Variants in RBFOX1 observed in about 807,000 individuals in gnomAD.
RBFOX1 encodes the protein RNA binding protein fox-1 homolog 1.
RBFOX1 carries 8 observed loss-of-function variants against 57.7 expected under a neutral mutation model. That is an observed-to-expected ratio of 0.14 (90% CI 0.08 to 0.25). The LOEUF (loss-of-function observed/expected upper bound fraction) is 0.25. Ranked by LOEUF, RBFOX1 falls within the 10% of genes least tolerant of loss-of-function variation. RBFOX1 has a pLI of 1.00. For missense variants in RBFOX1, 611 were observed against 548.5 expected, an observed-to-expected ratio of 1.11 and a Z score of -1.14; for synonymous variants, 326 against 222.4, an observed-to-expected ratio of 1.47 and a Z score of -4.15.
intron 3 of RBFOX1, among the ~76,000 whole-genome samples, chr16:6,785,914 C>G (rs1354381626): frequency 6.6e-6 from 1 of 152,182 alleles, no homozygotes; most frequent in Non-Finnish European, 1.5e-5. Context: ...AAAAATGGCA[C>G]TGTGACTGAG....
Position 7,106,984 on chromosome 16 carries a change from A to AAC in RBFOX1, c.27+54909_27+54910dup, listed in dbSNP as rs61104403. 7.8e-3 allele frequency among the ~76,000 whole-genome samples: 1,157 copies of AAC among 148,630 alleles called. 6 individuals carry two copies. Among genetic ancestry groups the AAC allele is most frequent in the African/African-American group, 0.015 (621 of 40,292 alleles). On this transcript the variant is annotated intron_variant, in intron 4 of 15. Transcript: ENST00000550418. ...ATTCCCATGTAAGCCACACAGTTAAAACACACACACACACACACACACACT... is the reference window on the plus strand; with the variant it reads ...ATTCCCATGTAAGCCACACAGTTAAAACACACACACACACACACACACACACT...
At position 6,796,156 on chromosome 16, in the gene RBFOX1, G is replaced by T. The variant is rs573916478; in HGVS notation, c.-16+141506G>T. 9.9e-5 allele frequency among the ~76,000 whole-genome samples: 15 copies of T among 152,188 alleles called. No homozygotes were observed. In the South Asian group the frequency reaches 3.1e-3, roughly 32 times the overall value. Reference sequence around the variant, plus strand: ...GAAAGGTATGTCTCACATGGTGGCGGACAAGAGAAGAGAGCTTGTGCAGGG... The same window carrying T: ...GAAAGGTATGTCTCACATGGTGGCGTACAAGAGAAGAGAGCTTGTGCAGGG... On this transcript the variant is annotated intron_variant, in intron 3 of 15. Coordinates refer to ENST00000550418, the MANE Select transcript of RBFOX1 (RefSeq NM_018723.4).
intron 3 of RBFOX1, among the ~76,000 whole-genome samples, chr16:6,799,559 A>G (rs1295068818): frequency 6.6e-6 from 1 of 152,148 alleles, no homozygotes; most frequent in Non-Finnish European, 1.5e-5. Flanking sequence ...AGGTGTTGTC[A>G]GAGGAGATAA....
chr16:7,430,294 A>G (rs917037979), intron 4 of RBFOX1, among the ~76,000 whole-genome samples: 16 of 152,264 alleles, frequency 1.1e-4, no homozygotes, highest in African/African-American at 2.6e-4. Flanking sequence ...GGTTTATGCA[A>G]TTCCCAAAAG....
At chr16:7,469,135 C>A (rs138725701) in intron 4 of RBFOX1, among the ~76,000 whole-genome samples, 1 of 152,020 alleles carries the variant, frequency 6.6e-6, no homozygotes, top group Non-Finnish European at 1.5e-5. Flanking sequence ...GGGGTTTGAC[C>A]GTGTTAGCCA....
intron 3 of RBFOX1, among the ~76,000 whole-genome samples, chr16:6,750,750 C>G (rs2154191057): frequency 6.6e-6 from 1 of 152,310 alleles, no homozygotes; most frequent in Non-Finnish European, 1.5e-5. Context: ...GTGTATGAGA[C>G]AGACCCTTGC....
At chr16:7,622,324 T>G (rs900189430) in intron 10 of RBFOX1, among the ~76,000 whole-genome samples, 12 of 152,226 alleles carry the variant, frequency 7.9e-5, no homozygotes, top group African/African-American at 2.9e-4. Context: ...GAGTAAATGA[T>G]GATCTAAGTT....
intron 4 of RBFOX1, among the ~76,000 whole-genome samples, chr16:7,186,085 A>G (rs2083683382): frequency 6.6e-6 from 1 of 152,030 alleles, no homozygotes; most frequent in South Asian, 2.1e-4. Flanking sequence ...GATATTCTTT[A>G]TTTGTCACTG....
intron 2 of RBFOX1, among the ~76,000 whole-genome samples, chr16:6,558,370 A>ACC: frequency 6.6e-6 from 1 of 152,180 alleles, no homozygotes; most frequent in Non-Finnish European, 1.5e-5. Context: ...AGCTCAGTGC[A>ACC]GTCTTCTCTT....
At chr16:5,570,839 C>CAAAA (rs35367073) in intron 2 of RBFOX1, among the ~76,000 whole-genome samples, 25 of 140,768 alleles carry the variant, frequency 1.8e-4, no homozygotes, top group African/African-American at 6.1e-4. Flanking sequence ...AACTCTGTCT[C>CAAAA]AAAAAAAAAA....
intron 11 of RBFOX1, 102 bp downstream of exon 11, chr16:7,630,785 C>T: frequency 6.6e-7 from 1 of 1,523,190 alleles, no homozygotes; most frequent in Non-Finnish European, 8.8e-7. Context: ...GCCCCACCCT[C>T]TCTTGTGGCT....
At chr16:6,140,658 C>T (rs749540796) in intron 1 of RBFOX1, among the ~76,000 whole-genome samples, 5 of 152,204 alleles carry the variant, frequency 3.3e-5, no homozygotes, top group Admixed American at 2.0e-4. Flanking sequence ...TCCCTCCTGT[C>T]TGTGTAACTT....
intron 5 of RBFOX1, among the ~76,000 whole-genome samples, chr16:7,563,703 C>T (rs2090990743): frequency 1.3e-5 from 2 of 152,090 alleles, no homozygotes; most frequent in African/African-American, 2.4e-5. Context: ...CTCCTGACCT[C>T]GTGATCCACC....
chr16:7,472,598 C>T (rs1186429995), intron 4 of RBFOX1, among the ~76,000 whole-genome samples: 1 of 152,236 alleles, frequency 6.6e-6, no homozygotes, highest in African/African-American at 2.4e-5. Context: ...CCTTCCACTT[C>T]TGTCCCCAGC....
chr16:7,198,533 C>T (rs138890603), intron 4 of RBFOX1, among the ~76,000 whole-genome samples: 37 of 152,234 alleles, frequency 2.4e-4, no homozygotes, highest in Non-Finnish European at 4.9e-4. Context: ...ATATCTAAGA[C>T]TGGGTAACTT....
At chr16:6,743,087 T>A (rs2072680921) in intron 3 of RBFOX1, among the ~76,000 whole-genome samples, 1 of 152,202 alleles carries the variant, frequency 6.6e-6, no homozygotes, top group Non-Finnish European at 1.5e-5. Context: ...TTTACAACTG[T>A]CTGTGTATTT....
intron 3 of RBFOX1, among the ~76,000 whole-genome samples, chr16:5,692,572 T>G (rs2050720887): frequency 6.6e-6 from 1 of 152,196 alleles, no homozygotes; most frequent in Non-Finnish European, 1.5e-5. Flanking sequence ...AAATTAGTGT[T>G]GTTTTAAGCT....
At chr16:6,100,261 C>T (rs899255778) in intron 1 of RBFOX1, among the ~76,000 whole-genome samples, 1 of 152,018 alleles carries the variant, frequency 6.6e-6, no homozygotes, top group Non-Finnish European at 1.5e-5. Context: ...CTTCTGGGTT[C>T]ACGCCATTCT....
At chr16:5,519,961 A>G (rs990859550) in intron 2 of RBFOX1, among the ~76,000 whole-genome samples, 4 of 152,256 alleles carry the variant, frequency 2.6e-5, no homozygotes, top group African/African-American at 7.2e-5. Flanking sequence ...CAAGGCAGAT[A>G]TATCTCCTGC....
Sources: gnomAD v4.1 joint callset for allele counts (sites outside exome capture counted in the v4.1 genomes callset) on GRCh38, gnomAD v4.1.1 for gene constraint, MANE v1.5 for transcripts, NCBI Gene and HGNC (gene_info 2026-07-23, HGNC 2026-07-21) for gene names.